The following PFKP variants were observed in gnomAD, a reference collection of about 807,000 sequenced individuals.
PFKP encodes the protein ATP-dependent 6-phosphofructokinase, platelet type.
In PFKP, 101 loss-of-function variants were observed where a neutral mutation model predicts 94.3. The observed-to-expected ratio is 1.07, with a 90% CI of 0.91 to 1.26. PFKP has a LOEUF of 1.26. Among genes scored for constraint, PFKP ranks in the 50% most tolerant of loss-of-function variants. The probability of loss-of-function intolerance (pLI) is 0.00; values close to 1 mark genes in which losing one functional copy is unlikely to be tolerated. For synonymous variants in PFKP, 573 were observed against 432.6 expected, an observed-to-expected ratio of 1.32 and a Z score of -4.03; for missense variants, 1,145 against 1,103.3, an observed-to-expected ratio of 1.04 and a Z score of -0.53.
rs1564327428 is a variant in PFKP, at chr10:3,115,422, CCA to C, written c.1372-1353_1372-1352del. On this transcript the variant is annotated intron_variant, in intron 13 of 21. Coordinates refer to ENST00000381125, the MANE Select transcript of PFKP (RefSeq NM_002627.5). ...TGCCGGGGTGAAGGTGTGTGTCCCG[CCA>C]TGGAGGACAGGACTGGGGATGCCGG... Among the ~76,000 whole-genome samples the C allele has an allele frequency of 2.2e-4, 12 of 54,218 alleles. 4 individuals are homozygous for C. In the East Asian group the frequency reaches 0.01, roughly 47 times the overall value. The allele number at this position is 54,218 out of a possible 152,430, so 35.6% of individuals were successfully genotyped here. A position where few individuals can be genotyped will look rare whatever the true frequency, so the allele number is the denominator to read the frequency against.
chr10:3,115,409 G>A (rs7893811), intron 13 of PFKP, among the ~76,000 whole-genome samples: 2,034 of 46,132 alleles, frequency 0.044, 298 homozygotes, highest in East Asian at 0.18. Flanking sequence ...CCGGGGTGAA[G>A]GTGTGTGTCC....
At chr10:3,127,444 C>T (rs1171072136) in intron 16 of PFKP, among the ~76,000 whole-genome samples, 1 of 152,198 alleles carries the variant, frequency 6.6e-6, no homozygotes, top group Non-Finnish European at 1.5e-5. Flanking sequence ...ACAGTAATTC[C>T]CCACCTCAGG....
intron 1 of PFKP, among the ~76,000 whole-genome samples, chr10:3,079,879 C>A (rs1294809332): frequency 2.0e-5 from 3 of 152,024 alleles, no homozygotes; most frequent in African/African-American, 7.2e-5. Flanking sequence ...GAGAGATGAG[C>A]GAGGACCTTC....
chr10:3,133,379 C>T, intron 19 of PFKP, 65 bp downstream of exon 19: 3 of 1,019,750 alleles, frequency 2.9e-6, no homozygotes, highest in Non-Finnish European at 4.7e-6. Context: ...AGATTAGTGT[C>T]TTATTTTAGC....
chr10:3,082,576 G>A (rs1833171335), intron 2 of PFKP, 115 bp downstream of exon 2: 2 of 617,372 alleles, frequency 3.2e-6, no homozygotes, highest in Admixed American at 3.2e-5. Flanking sequence ...GAAGAGGTGG[G>A]CAGGGGAGCA....
At chr10:3,126,227 C>T (rs575008808) in intron 16 of PFKP, among the ~76,000 whole-genome samples, 1 of 152,336 alleles carries the variant, frequency 6.6e-6, no homozygotes, top group East Asian at 1.9e-4. Flanking sequence ...AGGTCGGCTG[C>T]AGCTTCCTGT....
rs140105757 is a variant in PFKP, at chr10:3,112,295, C to G, written c.1154+9C>G. 1 of 1,609,960 alleles carries G rather than the reference C, an allele frequency of 6.2e-7. No homozygotes were observed. The highest frequency in any genetic ancestry group is 1.1e-5 in the South Asian group (1 of 90,974). On this transcript the variant is annotated intron_variant, in intron 11 of 21. Coordinates refer to ENST00000381125, the MANE Select transcript of PFKP (RefSeq NM_002627.5). ...GTTCGACTCCGAGGGAGGTGAGGTG[C>G]TTTGGAGAAAGCTCTGCCCTGTCAG...
chr10:3,072,205 A>C (rs947213502), intron 1 of PFKP, among the ~76,000 whole-genome samples: 2 of 152,260 alleles, frequency 1.3e-5, no homozygotes, highest in African/African-American at 4.8e-5. Context: ...TCCTCAGGTC[A>C]ATATGTGTAA....
At chr10:3,124,389 C>T (rs887908356) in intron 16 of PFKP, among the ~76,000 whole-genome samples, 34 of 152,232 alleles carry the variant, frequency 2.2e-4, no homozygotes, top group Admixed American at 4.6e-4. Flanking sequence ...GTCTGAAAAA[C>T]CCCGGTGTAC....
chr10:3,129,842 C>T lies in PFKP; in HGVS notation c.1707C>T (p.Ser569=), dbSNP rs61731930. ...ITDTCDRIKQ[S]ASGTKRRVFI... is the part of the protein sequence containing the mutation. ...AGACCTGCGACCGCATCAAGCAGTCCGCCAGCGGAACCAAGCGGCGCGTGT... is the reference window on the plus strand; with the variant it reads ...AGACCTGCGACCGCATCAAGCAGTCTGCCAGCGGAACCAAGCGGCGCGTGT... The change falls in exon 17 of 22, where the codon TCC becomes TCT. Residue 569 remains serine (S), a synonymous_variant. Coordinates refer to ENST00000381125, the MANE Select transcript of PFKP (RefSeq NM_002627.5). 1,615 of 1,613,552 alleles carry T rather than the reference C, an allele frequency of 1.0e-3. 19 individuals carry two copies. In the African/African-American group the frequency reaches 0.018, roughly 18 times the overall value.
At chr10:3,069,159 G>A in intron 1 of PFKP, 1 of 1,021,482 alleles carries the variant, frequency 9.8e-7, no homozygotes, top group Non-Finnish European at 1.2e-6. Flanking sequence ...CCCCGCGGGA[G>A]ACCCGGGTGG....
chr10:3,068,538 G>C (rs1043651021), intron 1 of PFKP: 1 of 340,462 alleles, frequency 2.9e-6, no homozygotes, highest in Non-Finnish European at 4.2e-6. Flanking sequence ...CGCGGCGCGG[G>C]CTCCGGGCTT....
chr10:3,106,087 C>T (rs983623165), intron 7 of PFKP, among the ~76,000 whole-genome samples: 3 of 152,236 alleles, frequency 2.0e-5, no homozygotes, highest in Non-Finnish European at 2.9e-5. Flanking sequence ...CGACTCTCTG[C>T]TGCTGGAGCC....
chr10:3,125,335 ATTC>A (rs142773253), intron 16 of PFKP: 197,062 of 946,966 alleles, frequency 0.21, 22,650 homozygotes, highest in East Asian at 0.28. Context: ...AGCCGGATTT[ATTC>A]TTCTTCTTTT....
chr10:3,127,072 T>C (rs1459076037), intron 16 of PFKP, among the ~76,000 whole-genome samples: 1 of 152,264 alleles, frequency 6.6e-6, no homozygotes, highest in Non-Finnish European at 1.5e-5. Context: ...TCTGCCGCCT[T>C]CTTGTCAGTG....
chr10:3,133,588 A>G (rs3740611), intron 19 of PFKP, among the ~76,000 whole-genome samples: 99,250 of 151,772 alleles, frequency 0.65, 33,035 homozygotes, highest in Non-Finnish European at 0.72. Flanking sequence ...CCACCACCAC[A>G]CCCAGCTAAT....
At chr10:3,071,865 G>A (rs1832221790) in intron 1 of PFKP, among the ~76,000 whole-genome samples, 1 of 152,230 alleles carries the variant, frequency 6.6e-6, no homozygotes, top group South Asian at 2.1e-4. Context: ...CAGGGCCTCA[G>A]TGATCCTGGG....
At chr10:3,110,963 T>C (rs992343154) in intron 10 of PFKP, among the ~76,000 whole-genome samples, 1 of 151,310 alleles carries the variant, frequency 6.6e-6, no homozygotes, top group East Asian at 1.9e-4. Flanking sequence ...CATGTTAGTG[T>C]GTGTGCATGT....
chr10:3,121,246 C>T (rs561526304), intron 16 of PFKP, among the ~76,000 whole-genome samples: 2 of 142,928 alleles, frequency 1.4e-5, no homozygotes, highest in South Asian at 4.3e-4. Flanking sequence ...AATCTCTGAC[C>T]TAGACGTTGC....
Sources: allele counts gnomAD v4.1 joint callset (sites outside exome capture counted in the v4.1 genomes callset), GRCh38; gene constraint gnomAD v4.1.1; transcripts MANE v1.5; gene names NCBI Gene and HGNC (gene_info 2026-07-23, HGNC 2026-07-21).